Variants in SASS6 observed in about 807,000 individuals in gnomAD.
The protein encoded by SASS6 is SAS-6 centriolar assembly protein.
A neutral mutation model predicts 94.9 loss-of-function variants in SASS6; 59 were observed. That is an observed-to-expected ratio of 0.62 (90% confidence interval 0.50 to 0.77). The LOEUF is 0.77. Among genes scored for constraint, SASS6 ranks in the 30% least tolerant of loss-of-function variants. The pLI, the probability that SASS6 is intolerant of heterozygous loss-of-function variation, is 0.00. For synonymous variants in SASS6, 264 were observed against 270.0 expected (o/e 0.98, Z 0.22); for missense variants, 698 against 734.1 (o/e 0.95, Z 0.57).
At chr1:100,092,600 G>A (rs1570683829) in intron 14 of SASS6, among the ~76,000 whole-genome samples, 1 of 151,982 alleles carries the variant, frequency 6.6e-6, no homozygotes, top group Non-Finnish European at 1.5e-5. Flanking sequence ...TTTTGAGATG[G>A]AGTCTCGCTC....
intron 14 of SASS6, among the ~76,000 whole-genome samples, chr1:100,099,674 G>T (rs914128342): frequency 6.6e-6 from 1 of 152,148 alleles, no homozygotes; most frequent in African/African-American, 2.4e-5. Context: ...AATGAAAAAG[G>T]ACAGCTGTTT....
chr1:100,115,401 GTAAA>G (rs1313640592), intron 7 of SASS6, among the ~76,000 whole-genome samples: 2 of 77,036 alleles, frequency 2.6e-5, no homozygotes, highest in African/African-American at 6.7e-5. Flanking sequence ...GAGAGAGAGA[GTAAA>G]TAAGTCTGTT....
chr1:100,120,080 C>T (rs1654058666), intron 6 of SASS6, among the ~76,000 whole-genome samples: 1 of 152,006 alleles, frequency 6.6e-6, no homozygotes, highest in African/African-American at 2.4e-5. Context: ...CCATTTAGGC[C>T]AGAGGAATGA....
rs925036021 is a variant in SASS6 at position 100,084,248 on chromosome 1, G to C, written c.*1080C>G. 6.6e-6 allele frequency: 1 copy of C among 151,624 alleles called. No individual in the cohort carries two copies. Among genetic ancestry groups the C allele is most frequent in the Admixed American group, 6.6e-5 (1 of 15,218 alleles). The allele number at this position is 151,624 out of a possible 1,614,324, so 9.4% of individuals were successfully genotyped here. On this transcript the variant is annotated 3_prime_UTR_variant, in exon 17 of 17. Transcript: ENST00000287482. ...TCTTCATCTGTGTAATAAAGTAGTTGAAAATAATTTTAAATTATCACATGA... is the reference window on the plus strand; with the variant it reads ...TCTTCATCTGTGTAATAAAGTAGTTCAAAATAATTTTAAATTATCACATGA...
Position 100,085,589 on chromosome 1 carries a change from CT to C in SASS6, c.1813del (p.Arg605GlyfsTer26), listed in dbSNP as rs1266305931. 1 of 1,612,944 alleles carries C rather than the reference CT, an allele frequency of 6.2e-7. No individual in the cohort carries two copies. Among genetic ancestry groups the C allele is most frequent in the Non-Finnish European group, 8.5e-7 (1 of 1,179,202 alleles). On this transcript the variant is annotated frameshift_variant, in exon 16 of 17. Coordinates refer to ENST00000287482, the MANE Select transcript of SASS6 (RefSeq NM_194292.3). LOFTEE classifies it high-confidence loss of function. ...VGLESKYLKK[R>X]EDSIPLRGLS... ...TCCGCGTAAAGGAATGCTATCTTCCCTTTTCTTCAGGTATTTGGATTCCAAC... is the reference window on the plus strand; with the variant it reads ...TCCGCGTAAAGGAATGCTATCTTCCCTTTCTTCAGGTATTTGGATTCCAAC...
intron 1 of SASS6, among the ~76,000 whole-genome samples, chr1:100,126,469 T>C (rs373996569): frequency 3.9e-5 from 6 of 152,332 alleles, no homozygotes; most frequent in African/African-American, 1.4e-4. Context: ...AATGAGAGAC[T>C]GATTGCATTT....
intron 11 of SASS6, among the ~76,000 whole-genome samples, 164 bp from the exon 12 acceptor site, chr1:100,107,157 G>A (rs987294905): frequency 6.6e-6 from 1 of 151,894 alleles, no homozygotes; most frequent in Non-Finnish European, 1.5e-5. Context: ...ATTTACATGT[G>A]TATACAAACA....
At chr1:100,129,515 T>C (rs1029556175) in intron 1 of SASS6, among the ~76,000 whole-genome samples, 1 of 152,182 alleles carries the variant, frequency 6.6e-6, no homozygotes, top group Non-Finnish European at 1.5e-5. Flanking sequence ...CAAATAATGG[T>C]TTAAGGTCAC....
At chr1:100,102,338 G>C (rs891674620) in intron 14 of SASS6, among the ~76,000 whole-genome samples, 1 of 151,126 alleles carries the variant, frequency 6.6e-6, no homozygotes, top group Non-Finnish European at 1.5e-5. Context: ...AGAAATCCTA[G>C]CCAGGCCTGA....
intron 1 of SASS6, among the ~76,000 whole-genome samples, chr1:100,132,123 G>C (rs895472493): frequency 2.0e-5 from 3 of 152,186 alleles, no homozygotes; most frequent in African/African-American, 7.2e-5. Flanking sequence ...GAAAAGGACT[G>C]TTTTTCCTGA....
rs1651155673 is a variant in SASS6 at position 100,085,318 on chromosome 1, G to A, written c.*10C>T. The A allele has an allele frequency of 1.3e-6, 2 of 1,528,208 alleles. No individual in the cohort carries two copies. The highest frequency in any genetic ancestry group is 1.1e-5 in the South Asian group (1 of 89,370). The allele number at this position is 1,528,208 out of a possible 1,614,324, so 94.7% of individuals were successfully genotyped here. On this transcript the variant is annotated 3_prime_UTR_variant, in exon 17 of 17. Coordinates refer to ENST00000287482, the MANE Select transcript of SASS6 (RefSeq NM_194292.3). ...AAAATACCAATAAAAAGTAAAACAT[G>A]ACACTAGAATTAACTGTTTGGTAAC... is the stretch of plus-strand genomic sequence containing the variant.
At chr1:100,108,343 T>C (rs1432840814) in intron 8 of SASS6, among the ~76,000 whole-genome samples, 1 of 152,104 alleles carries the variant, frequency 6.6e-6, no homozygotes, top group Non-Finnish European at 1.5e-5. Context: ...GCCGCCACAA[T>C]GTAGACTTAA....
chr1:100,100,843 T>C (rs1042434959), intron 14 of SASS6, among the ~76,000 whole-genome samples: 18 of 152,188 alleles, frequency 1.2e-4, no homozygotes, highest in African/African-American at 4.3e-4. Flanking sequence ...TAGGTGGTAT[T>C]TGGTGCTTTA....
At chr1:100,100,028 G>A (rs1478089145) in intron 14 of SASS6, among the ~76,000 whole-genome samples, 1 of 152,164 alleles carries the variant, frequency 6.6e-6, no homozygotes, top group East Asian at 1.9e-4. Context: ...CCACTTGGGA[G>A]GCCGAGGCAG....
chr1:100,096,006 T>C (rs1227911826), intron 14 of SASS6, among the ~76,000 whole-genome samples: 1 of 152,200 alleles, frequency 6.6e-6, no homozygotes, highest in Admixed American at 6.6e-5. Context: ...AAATTCCTTA[T>C]ATACCTATCA....
chr1:100,126,024 TTAAG>T, intron 1 of SASS6, 82 bp from the exon 2 acceptor site: 1 of 719,514 alleles, frequency 1.4e-6, no homozygotes. Context: ...GTTTTCAGTC[TTAAG>T]TGACAAGACT....
At chr1:100,106,737 C>T (rs1202987823) in intron 12 of SASS6, among the ~76,000 whole-genome samples, 175 bp downstream of exon 12, 2 of 152,026 alleles carry the variant, frequency 1.3e-5, no homozygotes, top group African/African-American at 2.4e-5. Context: ...CACCTTAGTC[C>T]CAGCTACTTG....
chr1:100,128,604 A>G (rs1654791126), intron 1 of SASS6, among the ~76,000 whole-genome samples: 1 of 152,234 alleles, frequency 6.6e-6, no homozygotes, highest in African/African-American at 2.4e-5. Flanking sequence ...AGAAAAATAC[A>G]AGCTTTCAGA....
chr1:100,131,427 A>G (rs367775887), intron 1 of SASS6, among the ~76,000 whole-genome samples: 1 of 152,216 alleles, frequency 6.6e-6, no homozygotes, highest in African/African-American at 2.4e-5. Flanking sequence ...TTAATAATAC[A>G]TTGTATTTAA....
Sources: allele counts gnomAD v4.1 joint callset (sites outside exome capture counted in the v4.1 genomes callset), GRCh38; gene constraint gnomAD v4.1.1; transcripts MANE v1.5; gene names NCBI Gene and HGNC (gene_info 2026-07-23, HGNC 2026-07-21).